The following ADAMTS16 variants were observed in gnomAD, a reference collection of about 807,000 sequenced individuals.
The protein encoded by ADAMTS16 is ADAM metallopeptidase with thrombospondin type 1 motif 16, also known as A disintegrin and metalloproteinase with thrombospondin motifs 16.
In ADAMTS16, 94 loss-of-function variants were observed where a neutral mutation model predicts 145.8. The observed-to-expected ratio is 0.64, with a 90% CI of 0.55 to 0.77. ADAMTS16 has a LOEUF of 0.77. ADAMTS16 is among the 30% of genes least tolerant of loss of function. The pLI is 0.00. For missense variants in ADAMTS16, 1,585 were observed against 1,591.5 expected, an observed-to-expected ratio of 1.00 and a Z score of 0.07; for synonymous variants, 659 against 604.3, an observed-to-expected ratio of 1.09 and a Z score of -1.33.
chr5:5,280,778 A>G, intron 18 of ADAMTS16, among the ~76,000 whole-genome samples: 1 of 152,354 alleles, frequency 6.6e-6, no homozygotes, highest in Non-Finnish European at 1.5e-5. Flanking sequence ...AAATATGGAA[A>G]AAATGATATA....
chr5:5,284,228 C>A lies in ADAMTS16; in HGVS notation c.2790-19040C>A, dbSNP rs375327139. Among the ~76,000 whole-genome samples the A allele has an allele frequency of 3.3e-5, 5 of 152,268 alleles. No individual in the cohort carries two copies. The East Asian group carries it at 5.8e-4, about 18-fold the overall frequency. The stretch of plus-strand genomic sequence containing the variant: ...ACAAATTAAACTAAAGCCATAAAGA[C>A]CTTCACAGGCAAAATAAAGCTATTG... On this transcript the variant is annotated intron_variant, in intron 18 of 22. Coordinates refer to ENST00000274181, the MANE Select transcript of ADAMTS16 (RefSeq NM_139056.4).
intron 2 of ADAMTS16, 127 bp downstream of exon 2, chr5:5,140,893 G>T (rs1253180387): frequency 3.2e-6 from 3 of 927,404 alleles, no homozygotes; most frequent in Non-Finnish European, 4.3e-6. Context: ...ATGCTGTTGT[G>T]AACTTTTTTT....
At chr5:5,145,084 A>AG (rs1734259343) in intron 2 of ADAMTS16, among the ~76,000 whole-genome samples, 1 of 152,152 alleles carries the variant, frequency 6.6e-6, no homozygotes, top group Non-Finnish European at 1.5e-5. Flanking sequence ...CTGAACGCGG[A>AG]GATTATGAGC....
intron 21 of ADAMTS16, among the ~76,000 whole-genome samples, chr5:5,314,302 C>A (rs1313073928): frequency 6.6e-6 from 1 of 152,196 alleles, no homozygotes; most frequent in African/African-American, 2.4e-5. Context: ...AGCCTGTGGC[C>A]TCCAGGAATT....
chr5:5,252,472 T>C (rs1737658470), intron 17 of ADAMTS16, among the ~76,000 whole-genome samples: 1 of 152,012 alleles, frequency 6.6e-6, no homozygotes, highest in Non-Finnish European at 1.5e-5. Flanking sequence ...GAAAGGTGAG[T>C]GTAGACGCCT....
At chr5:5,213,931 C>T (rs1736345843) in intron 10 of ADAMTS16, among the ~76,000 whole-genome samples, 1 of 152,158 alleles carries the variant, frequency 6.6e-6, no homozygotes, top group Admixed American at 6.5e-5. Context: ...GCCCCCAGCC[C>T]AATGCAACTT....
chr5:5,173,184 T>TG (rs892073828), intron 3 of ADAMTS16, among the ~76,000 whole-genome samples: 110 of 151,880 alleles, frequency 7.2e-4, no homozygotes, highest in African/African-American at 2.3e-3. Context: ...TCTTGTTTTT[T>TG]TTTTTTCTTA....
At chr5:5,194,376 G>A (rs890151819) in intron 8 of ADAMTS16, among the ~76,000 whole-genome samples, 4 of 152,180 alleles carry the variant, frequency 2.6e-5, no homozygotes, top group African/African-American at 4.8e-5. Context: ...TCTTCATGGA[G>A]CACTTTCTGT....
chr5:5,259,476 C>T (rs1292161286), intron 17 of ADAMTS16, among the ~76,000 whole-genome samples: 2 of 152,188 alleles, frequency 1.3e-5, no homozygotes, highest in Non-Finnish European at 2.9e-5. Context: ...TAAGGATAGG[C>T]CAGGAGAAAG....
intron 3 of ADAMTS16, 69 bp downstream of exon 3, chr5:5,146,524 A>G: frequency 6.9e-7 from 1 of 1,440,134 alleles, no homozygotes; most frequent in Non-Finnish European, 9.3e-7. Flanking sequence ...CGTAACCAGG[A>G]CTTTCCCTCG....
Position 5,146,465 on chromosome 5 carries a change from G to T in ADAMTS16, c.501+10G>T. ...AACCTGCCAAGGCTTGGTGAGTACA[G>T]CGCAAGCCCCAGGTAGGGAGGCGAG... On this transcript the variant is annotated intron_variant, in intron 3 of 22. Transcript: ENST00000274181. 6.3e-7 allele frequency: 1 copy of T among 1,586,648 alleles called. No homozygotes were observed.
intron 21 of ADAMTS16, among the ~76,000 whole-genome samples, chr5:5,316,386 T>C (rs1734059909): frequency 6.6e-6 from 1 of 152,226 alleles, no homozygotes. Context: ...GCTCCTTTAA[T>C]TGCTTACATT....
intron 2 of ADAMTS16, among the ~76,000 whole-genome samples, chr5:5,143,068 C>T (rs1196772619): frequency 6.6e-6 from 1 of 152,066 alleles, no homozygotes; most frequent in Non-Finnish European, 1.5e-5. Flanking sequence ...GGTGGATTAA[C>T]TATTTAAATG....
intron 8 of ADAMTS16, among the ~76,000 whole-genome samples, chr5:5,196,059 C>T (rs150114761): frequency 2.6e-5 from 4 of 151,872 alleles, no homozygotes; most frequent in African/African-American, 9.7e-5. Flanking sequence ...AACCCCATCT[C>T]TACTAAAAAT....
rs112826340 is a variant in ADAMTS16 at position 5,293,717 on chromosome 5, C to A, written c.2790-9551C>A. Reference sequence around the variant, plus strand: ...GTTTACTATATTGCTGAGGCAGGGGCCACATATAGGGCAAGACTGCCAAAT... The same window carrying A: ...GTTTACTATATTGCTGAGGCAGGGGACACATATAGGGCAAGACTGCCAAAT... On this transcript the variant is annotated intron_variant, in intron 18 of 22. Coordinates refer to ENST00000274181, the MANE Select transcript of ADAMTS16 (RefSeq NM_139056.4). Among the ~76,000 whole-genome samples, 24 of 152,288 alleles carry A rather than the reference C, an allele frequency of 1.6e-4. No homozygotes were observed. The Middle Eastern group carries it at 0.014, about 86-fold the overall frequency.
intron 20 of ADAMTS16, among the ~76,000 whole-genome samples, chr5:5,305,240 A>T (rs1740047366): frequency 1.4e-5 from 1 of 69,944 alleles, no homozygotes; most frequent in Non-Finnish European, 2.8e-5. Flanking sequence ...CACCACACAC[A>T]CACAATCCCA....
At chr5:5,237,956 A>T (rs1183856164) in intron 14 of ADAMTS16, among the ~76,000 whole-genome samples, 1 of 152,222 alleles carries the variant, frequency 6.6e-6, no homozygotes, top group African/African-American at 2.4e-5. Context: ...TTTCAAATGA[A>T]GAAGTTTTTC....
chr5:5,211,948 T>G (rs940111755), intron 10 of ADAMTS16, among the ~76,000 whole-genome samples: 3 of 152,166 alleles, frequency 2.0e-5, no homozygotes, highest in Admixed American at 2.0e-4. Flanking sequence ...ACATATTTCA[T>G]AGCTTAGCCT....
rs1387083094 is a variant in ADAMTS16 at position 5,319,862 on chromosome 5, C to T, written c.*724C>T. On this transcript the variant is annotated 3_prime_UTR_variant, in exon 23 of 23. Coordinates refer to ENST00000274181, the MANE Select transcript of ADAMTS16 (RefSeq NM_139056.4). ...TGCATTGAAGGAGAGATTTTTTATA[C>T]TTTATGTTTTATCTTTCTCAGTTAT... is the stretch of plus-strand genomic sequence containing the variant. 2.2e-6 allele frequency: 1 copy of T among 455,848 alleles called. No homozygotes were observed. Among genetic ancestry groups the T allele is most frequent in the Admixed American group, 2.4e-5 (1 of 42,446 alleles). The allele number at this position is 455,848 out of a possible 1,614,324, so 28.2% of individuals were successfully genotyped here. A position where few individuals can be genotyped will look rare whatever the true frequency, so the allele number is the denominator to read the frequency against.
Sources: gnomAD v4.1 joint callset for allele counts (sites outside exome capture counted in the v4.1 genomes callset) on GRCh38, gnomAD v4.1.1 for gene constraint, MANE v1.5 for transcripts, NCBI Gene and HGNC (gene_info 2026-07-23, HGNC 2026-07-21) for gene names.